The following SHANK2 variants were observed in gnomAD, a reference collection of about 807,000 sequenced individuals.
SHANK2 encodes SH3 and multiple ankyrin repeat domains protein 2.
In SHANK2, 43 loss-of-function variants were observed where a neutral mutation model predicts 133.7. That is an observed-to-expected ratio of 0.32 (90% CI 0.25 to 0.41). The LOEUF is 0.41. Ranked by LOEUF, SHANK2 falls within the 10% of genes least tolerant of loss-of-function variation. The probability of loss-of-function intolerance (pLI) is 1.00; values close to 1 mark genes in which losing one functional copy is unlikely to be tolerated. For missense variants in SHANK2, 1,994 were observed against 2,235.8 expected (o/e 0.89, Z 2.18); for synonymous variants, 1,017 against 952.8 (o/e 1.07, Z -1.24).
chr11:71,206,432 A>T (rs1461958467), intron 2 of SHANK2, among the ~76,000 whole-genome samples: 1 of 152,200 alleles, frequency 6.6e-6, no homozygotes, highest in Non-Finnish European at 1.5e-5. Context: ...ACTGCCACTC[A>T]GAGTGTCAGG....
intron 11 of SHANK2, among the ~76,000 whole-genome samples, chr11:70,843,400 T>A (rs1948945518): frequency 6.6e-6 from 1 of 151,596 alleles, no homozygotes; most frequent in South Asian, 2.1e-4. Flanking sequence ...GGGAAGAGTT[T>A]ATGGATGGCT....
At chr11:70,762,584 T>C (rs1368438772) in intron 14 of SHANK2, among the ~76,000 whole-genome samples, 1 of 152,124 alleles carries the variant, frequency 6.6e-6, no homozygotes, top group Non-Finnish European at 1.5e-5. Context: ...AGCCACTGGA[T>C]GACAGGGCTG....
chr11:70,645,194 G>C (rs1555007800), intron 17 of SHANK2, among the ~76,000 whole-genome samples: 1 of 152,182 alleles, frequency 6.6e-6, no homozygotes, highest in African/African-American at 2.4e-5. Flanking sequence ...CTGAGCAACA[G>C]TGAGATTCTG....
At chr11:70,626,491 G>A (rs1288215599) in intron 17 of SHANK2, among the ~76,000 whole-genome samples, 3 of 152,186 alleles carry the variant, frequency 2.0e-5, no homozygotes, top group African/African-American at 4.8e-5. Context: ...CCCCCAGGTG[G>A]CAAGCTTTAC....
intron 14 of SHANK2, among the ~76,000 whole-genome samples, chr11:70,730,135 C>T (rs185839147): frequency 6.6e-6 from 1 of 152,200 alleles, no homozygotes; most frequent in Admixed American, 6.5e-5. Flanking sequence ...GTGCCAGCTG[C>T]TATTATGTGT....
chr11:70,697,199 A>ACACAACACTGTGTACACAACATT (rs1260676861), intron 15 of SHANK2, among the ~76,000 whole-genome samples: 12 of 152,260 alleles, frequency 7.9e-5, no homozygotes, highest in African/African-American at 2.4e-4. Flanking sequence ...GGTGTTGGCT[A>ACACAACACTGTGTACACAACATT]CACAACACTG....
At chr11:70,822,125 C>A (rs1565341520) in intron 11 of SHANK2, among the ~76,000 whole-genome samples, 1 of 152,268 alleles carries the variant, frequency 6.6e-6, no homozygotes, top group African/African-American at 2.4e-5. Flanking sequence ...ACAGCAGAAA[C>A]CACCATCACT....
chr11:70,566,998 G>A (rs185397258), intron 17 of SHANK2, among the ~76,000 whole-genome samples: 20 of 152,282 alleles, frequency 1.3e-4, no homozygotes, highest in East Asian at 1.2e-3. Flanking sequence ...GGTTCCCTCC[G>A]TTAGCCAGAG....
At chr11:70,740,601 T>C (rs1449772498) in intron 14 of SHANK2, among the ~76,000 whole-genome samples, 1 of 152,168 alleles carries the variant, frequency 6.6e-6, no homozygotes, top group African/African-American at 2.4e-5. Flanking sequence ...CCTCACCCCC[T>C]GCCCGGTTGG....
intron 21 of SHANK2, among the ~76,000 whole-genome samples, chr11:70,499,916 G>A (rs1423444406): frequency 1.3e-5 from 2 of 152,238 alleles, no homozygotes; most frequent in East Asian, 3.9e-4. Context: ...TTAATTAAAA[G>A]CTGGGAGTGC....
intron 15 of SHANK2, among the ~76,000 whole-genome samples, chr11:70,692,916 T>C (rs1555021390): frequency 1.3e-5 from 2 of 152,168 alleles, no homozygotes; most frequent in African/African-American, 4.8e-5. Flanking sequence ...AGCACCTTCT[T>C]AAACCTTTTC....
chr11:70,659,313 G>A (rs1042828273), intron 17 of SHANK2, among the ~76,000 whole-genome samples: 2 of 152,042 alleles, frequency 1.3e-5, no homozygotes, highest in South Asian at 2.1e-4. Context: ...CCTCTTGCCC[G>A]GGCTCCTTGG....
chr11:71,222,811 C>T (rs566349430), intron 2 of SHANK2, among the ~76,000 whole-genome samples: 11 of 152,232 alleles, frequency 7.2e-5, no homozygotes, highest in Non-Finnish European at 1.3e-4. Context: ...CAGGGTCACA[C>T]GTTCTCATAT....
intron 11 of SHANK2, among the ~76,000 whole-genome samples, chr11:70,852,345 T>A (rs1949098861): frequency 6.6e-6 from 1 of 152,174 alleles, no homozygotes; most frequent in East Asian, 1.9e-4. Flanking sequence ...AGAGAAGCCC[T>A]TCAGAAAGAA....
At chr11:70,813,771 T>C (rs1246290636) in intron 12 of SHANK2, among the ~76,000 whole-genome samples, 2 of 152,156 alleles carry the variant, frequency 1.3e-5, no homozygotes, top group African/African-American at 4.8e-5. Context: ...ATCTCCTGTC[T>C]GGTCAATATC....
intron 2 of SHANK2, among the ~76,000 whole-genome samples, chr11:71,170,411 A>G (rs1321144569): frequency 6.6e-6 from 1 of 152,234 alleles, no homozygotes; most frequent in Non-Finnish European, 1.5e-5. Flanking sequence ...CTATGCATCA[A>G]TGAGATGCCT....
chr11:70,562,163 C>A (rs535509046), intron 17 of SHANK2, among the ~76,000 whole-genome samples: 2 of 152,210 alleles, frequency 1.3e-5, no homozygotes, highest in African/African-American at 4.8e-5. Flanking sequence ...GAGCTCACAT[C>A]TGTATGACTT....
intron 10 of SHANK2, among the ~76,000 whole-genome samples, chr11:70,923,726 CT>C (rs1169882214): frequency 6.6e-6 from 1 of 152,042 alleles, no homozygotes; most frequent in African/African-American, 2.4e-5. Flanking sequence ...TTTTTATATA[CT>C]TTTTTTGTAG....
chr11:70,919,677 C>T (rs117239893), intron 10 of SHANK2, among the ~76,000 whole-genome samples: 2,324 of 152,262 alleles, frequency 0.015, 46 homozygotes, highest in Admixed American at 0.032. Flanking sequence ...CCACAGTGCC[C>T]AGCTGATCTC....
Sources: gnomAD v4.1 joint callset for allele counts (sites outside exome capture counted in the v4.1 genomes callset) on GRCh38, gnomAD v4.1.1 for gene constraint, MANE v1.5 for transcripts, NCBI Gene and HGNC (gene_info 2026-07-23, HGNC 2026-07-21) for gene names.